Variants in KIAA1958 observed in about 807,000 individuals in gnomAD.
The protein encoded by KIAA1958 is KIAA1958.
KIAA1958 carries 14 observed loss-of-function variants against 47.2 expected under a neutral mutation model. That is an observed-to-expected ratio of 0.30 (90% CI 0.20 to 0.46). The LOEUF is 0.46. Ranked by LOEUF, KIAA1958 falls within the 20% of genes least tolerant of loss-of-function variation. The pLI, the probability that KIAA1958 is intolerant of heterozygous loss-of-function variation, is 1.00. For synonymous variants in KIAA1958, 354 were observed against 353.3 expected, an observed-to-expected ratio of 1.00 and a Z score of -0.02; for missense variants, 803 against 909.2, an observed-to-expected ratio of 0.88 and a Z score of 1.50.
intron 1 of KIAA1958, among the ~76,000 whole-genome samples, chr9:112,523,444 T>TTGAA (rs58508428): frequency 6.7e-6 from 1 of 150,138 alleles, no homozygotes; most frequent in Admixed American, 6.7e-5. Context: ...AAGTGTCTTA[T>TTGAA]TAAATAAATA....
chr9:112,560,597 T>A (rs1835310804), intron 1 of KIAA1958, among the ~76,000 whole-genome samples: 2 of 152,214 alleles, frequency 1.3e-5, no homozygotes, highest in African/African-American at 4.8e-5. Context: ...ATTAATTTTC[T>A]TGGCAAAGGT....
At chr9:112,568,450 A>T (rs938960947) in intron 1 of KIAA1958, among the ~76,000 whole-genome samples, 1 of 152,222 alleles carries the variant, frequency 6.6e-6, no homozygotes, top group African/African-American at 2.4e-5. Flanking sequence ...CACAGTCAAC[A>T]TTGTGGTAAT....
At chr9:112,494,952 AT>A (rs1028999012) in intron 1 of KIAA1958, among the ~76,000 whole-genome samples, 1 of 150,920 alleles carries the variant, frequency 6.6e-6, no homozygotes, top group African/African-American at 2.4e-5. Context: ...TCATTTAAAA[AT>A]TTTTTCCCCT....
chr9:112,491,479 T>C (rs12236775), intron 1 of KIAA1958, among the ~76,000 whole-genome samples: 1 of 152,138 alleles, frequency 6.6e-6, no homozygotes, highest in African/African-American at 2.4e-5. Flanking sequence ...TGGAAATCTA[T>C]GGCCTCTTTA....
intron 1 of KIAA1958, among the ~76,000 whole-genome samples, chr9:112,526,587 C>G (rs777988431): frequency 3.9e-5 from 6 of 152,172 alleles, no homozygotes; most frequent in Non-Finnish European, 7.3e-5. Flanking sequence ...TATTTGCTCA[C>G]AGTTCTGGAG....
chr9:112,507,772 T>C (rs3911027), intron 1 of KIAA1958, among the ~76,000 whole-genome samples: 121,234 of 149,798 alleles, frequency 0.81, 49,457 homozygotes, highest in African/African-American at 0.89. Flanking sequence ...CTCTCTCTCT[T>C]TCTTTCTTTC....
chr9:112,571,836 AAAAT>A (rs541791168), intron 1 of KIAA1958, among the ~76,000 whole-genome samples: 5 of 147,618 alleles, frequency 3.4e-5, no homozygotes, highest in South Asian at 2.1e-4. Flanking sequence ...ATAAAAATAA[AAAAT>A]AAAAAGAAAT....
intron 3 of KIAA1958, among the ~76,000 whole-genome samples, chr9:112,648,540 G>A (rs778150064): frequency 6.6e-6 from 1 of 152,144 alleles, no homozygotes; most frequent in Non-Finnish European, 1.5e-5. Flanking sequence ...ACACAGAATT[G>A]GAAACTGTAC....
intron 1 of KIAA1958, among the ~76,000 whole-genome samples, chr9:112,495,124 A>G (rs1247146729): frequency 1.3e-5 from 2 of 151,744 alleles, no homozygotes; most frequent in Non-Finnish European, 2.9e-5. Context: ...TTTGTTGCCC[A>G]GGCTGGTCTT....
intron 1 of KIAA1958, among the ~76,000 whole-genome samples, chr9:112,563,085 C>CTCTCTCTCTCTCTA (rs10655286): frequency 7.6e-6 from 1 of 131,542 alleles, no homozygotes; most frequent in Non-Finnish European, 1.6e-5. Context: ...CTCTCTCTCT[C>CTCTCTCTCTCTCTA]TATATATATA....
At chr9:112,542,798 AC>A (rs138283875) in intron 1 of KIAA1958, among the ~76,000 whole-genome samples, 2,626 of 152,270 alleles carry the variant, frequency 0.017, 71 homozygotes, top group African/African-American at 0.06. Flanking sequence ...TTCAGAACAG[AC>A]TGATTAATAA....
At chr9:112,539,342 A>C (rs902218590) in intron 1 of KIAA1958, among the ~76,000 whole-genome samples, 14 of 152,250 alleles carry the variant, frequency 9.2e-5, no homozygotes, top group African/African-American at 3.4e-4. Context: ...TCTCCACACA[A>C]TGGAATATTA....
Position 112,659,313 on chromosome 9 carries a change from C to T in KIAA1958, c.1395C>T (p.Val465=), listed in dbSNP as rs1463000392. 3.1e-6 allele frequency: 5 copies of T among 1,614,000 alleles called. No individual in the cohort carries two copies. The highest frequency in any genetic ancestry group is 4.2e-6 in the Non-Finnish European group (5 of 1,180,024). Residue 465 remains valine (V), a synonymous_variant, in exon 4 of 4, where the codon GTC becomes GTT. Coordinates refer to ENST00000337530, the MANE Select transcript of KIAA1958 (RefSeq NM_133465.4). ...TGCTCGAGAACTTTTATGTCACCGT[C>T]AAGAAGAGCGACGGCTCGGACTTCC... ...NELLENFYVT[V]KKSDGSDFLA...
At chr9:112,631,613 G>A (rs2131230149) in intron 2 of KIAA1958, among the ~76,000 whole-genome samples, 1 of 150,462 alleles carries the variant, frequency 6.6e-6, no homozygotes, top group Admixed American at 6.6e-5. Flanking sequence ...AAATGCTAAG[G>A]CAGTAAGTAG....
At chr9:112,501,910 T>C (rs1449268871) in intron 1 of KIAA1958, among the ~76,000 whole-genome samples, 3 of 152,206 alleles carry the variant, frequency 2.0e-5, no homozygotes, top group Admixed American at 6.5e-5. Flanking sequence ...TTGTTTTGTT[T>C]TCACAATTTA....
rs567460650 is a variant in KIAA1958, at chr9:112,538,880, T to C, written c.-24-35177T>C. ...ATCATTGATCCTCACAAAAAACTTATGATACTCAACAAAAAGGCATTTTTC... is the reference window on the plus strand; with the variant it reads ...ATCATTGATCCTCACAAAAAACTTACGATACTCAACAAAAAGGCATTTTTC... On this transcript the variant is annotated intron_variant, in intron 1 of 3. Coordinates refer to ENST00000337530, the MANE Select transcript of KIAA1958 (RefSeq NM_133465.4). 9.2e-5 allele frequency among the ~76,000 whole-genome samples: 14 copies of C among 152,284 alleles called. No individual in the cohort carries two copies. The East Asian group carries it at 1.5e-3, about 17-fold the overall frequency.
At chr9:112,531,772 G>A (rs575054050) in intron 1 of KIAA1958, among the ~76,000 whole-genome samples, 21 of 152,182 alleles carry the variant, frequency 1.4e-4, no homozygotes, top group Non-Finnish European at 1.8e-4. Context: ...ATCTTATTTC[G>A]TATTTTAAAA....
chr9:112,619,706 C>CT (rs1219056038), intron 2 of KIAA1958, among the ~76,000 whole-genome samples: 3 of 152,082 alleles, frequency 2.0e-5, no homozygotes, highest in African/African-American at 7.2e-5. Flanking sequence ...AAGAATGTTT[C>CT]TTTTTTTGTC....
chr9:112,589,283 A>G (rs1835879248), intron 2 of KIAA1958, among the ~76,000 whole-genome samples: 1 of 151,878 alleles, frequency 6.6e-6, no homozygotes, highest in Non-Finnish European at 1.5e-5. Context: ...TGCCTTGTCT[A>G]CTTGTTTGTT....
Sources: allele counts gnomAD v4.1 joint callset (sites outside exome capture counted in the v4.1 genomes callset), GRCh38; gene constraint gnomAD v4.1.1; transcripts MANE v1.5; gene names NCBI Gene and HGNC (gene_info 2026-07-23, HGNC 2026-07-21).